PDE11A: variants seen among roughly 807,000 people sequenced by gnomAD.
The protein encoded by PDE11A is phosphodiesterase 11A.
In PDE11A, 100 loss-of-function variants were observed where a neutral mutation model predicts 100.5. That is an observed-to-expected ratio of 1.00 (90% CI 0.85 to 1.18). The LOEUF is 1.18. Among genes scored for constraint, PDE11A ranks in the 50% most tolerant of loss-of-function variants. The pLI, the probability that PDE11A is intolerant of heterozygous loss-of-function variation, is 0.00. For missense variants in PDE11A, 1,141 were observed against 1,152.6 expected, an observed-to-expected ratio of 0.99 and a Z score of 0.15; for synonymous variants, 381 against 420.8, an observed-to-expected ratio of 0.91 and a Z score of 1.16.
At chr2:177,941,243 C>A (rs1457235229) in intron 2 of PDE11A, among the ~76,000 whole-genome samples, 2 of 152,192 alleles carry the variant, frequency 1.3e-5, no homozygotes, top group Non-Finnish European at 1.5e-5. Context: ...AGGCAGCTTG[C>A]CCTAAACTTT....
At chr2:177,665,422 T>C (rs1360283156) in intron 18 of PDE11A, among the ~76,000 whole-genome samples, 2 of 151,078 alleles carry the variant, frequency 1.3e-5, no homozygotes, top group Admixed American at 6.6e-5. Flanking sequence ...CGAGGCTGTA[T>C]TGAGCTACAA....
At chr2:177,680,175 C>A (rs1272955892) in intron 16 of PDE11A, among the ~76,000 whole-genome samples, 1 of 151,990 alleles carries the variant, frequency 6.6e-6, no homozygotes, top group African/African-American at 2.4e-5. Context: ...GCTCTCCCAG[C>A]AAAACTTAGC....
chr2:178,047,147 C>A (rs961371501), intron 1 of PDE11A, among the ~76,000 whole-genome samples: 3 of 151,852 alleles, frequency 2.0e-5, no homozygotes, highest in Non-Finnish European at 4.4e-5. Flanking sequence ...AAACTTGGAC[C>A]CAGATAATTT....
At chr2:177,794,346 G>A (rs2082675269) in intron 9 of PDE11A, among the ~76,000 whole-genome samples, 1 of 152,180 alleles carries the variant, frequency 6.6e-6, no homozygotes, top group Non-Finnish European at 1.5e-5. Context: ...AAGCAAAGAG[G>A]CCAGTGGGAC....
chr2:177,957,910 C>CTTGTTTTTTTTTTTTTTT, intron 2 of PDE11A, among the ~76,000 whole-genome samples: 1 of 114,482 alleles, frequency 8.7e-6, no homozygotes, highest in South Asian at 3.0e-4. Flanking sequence ...TTTCCAATGC[C>CTTGTTTTTTTTTTTTTTT]TTTTTTTTGA....
At chr2:177,924,052 G>A (rs1000902381) in intron 2 of PDE11A, among the ~76,000 whole-genome samples, 7 of 152,190 alleles carry the variant, frequency 4.6e-5, no homozygotes, top group Non-Finnish European at 8.8e-5. Context: ...ACTCTAAAGT[G>A]TAATTTATTA....
intron 10 of PDE11A, among the ~76,000 whole-genome samples, chr2:177,751,142 A>G (rs2082020242): frequency 6.6e-6 from 1 of 150,544 alleles, no homozygotes; most frequent in African/African-American, 2.4e-5. Flanking sequence ...AAAAAAAAAA[A>G]GCTCTCCAAA....
chr2:177,838,712 A>C (rs188831843), intron 6 of PDE11A, among the ~76,000 whole-genome samples: 65 of 152,318 alleles, frequency 4.3e-4, no homozygotes, highest in Non-Finnish European at 8.8e-4. Flanking sequence ...AACTTCTCTG[A>C]TATAAAATCA....
At chr2:177,715,085 T>C (rs6734520) in intron 12 of PDE11A, among the ~76,000 whole-genome samples, 35,746 of 152,170 alleles carry the variant, frequency 0.23, 6,044 homozygotes, top group African/African-American at 0.48. Context: ...TGAGAAAAGG[T>C]CTTACTGTTT....
At chr2:177,793,537 C>A (rs1175065695) in intron 9 of PDE11A, among the ~76,000 whole-genome samples, 18 of 79,308 alleles carry the variant, frequency 2.3e-4, no homozygotes, top group African/African-American at 5.4e-4. Flanking sequence ...CAGGGATCTG[C>A]AAAAAAAAAA....
At chr2:178,105,140 A>G (rs2087602877) in intron 1 of PDE11A, among the ~76,000 whole-genome samples, 2 of 152,228 alleles carry the variant, frequency 1.3e-5, no homozygotes, top group South Asian at 4.1e-4. Context: ...ATACTAATGT[A>G]GTGGAAAATA....
chr2:177,963,557 C>G (rs766684198), intron 2 of PDE11A, among the ~76,000 whole-genome samples: 22 of 152,200 alleles, frequency 1.4e-4, no homozygotes, highest in Non-Finnish European at 2.6e-4. Flanking sequence ...CACCTAGCCA[C>G]AGTTCAGCTT....
chr2:177,828,493 T>A (rs2083261152), intron 6 of PDE11A, among the ~76,000 whole-genome samples: 1 of 151,980 alleles, frequency 6.6e-6, no homozygotes, highest in South Asian at 2.1e-4. Context: ...CAAAGATAAA[T>A]GAATAAATTA....
intron 5 of PDE11A, among the ~76,000 whole-genome samples, chr2:177,869,931 T>C (rs1344331044): frequency 6.6e-6 from 1 of 152,264 alleles, no homozygotes; most frequent in African/African-American, 2.4e-5. Context: ...ATGAATTACA[T>C]GTCACTGGAT....
At position 177,967,236 on chromosome 2, in the gene PDE11A, G is replaced by A. The variant is rs573520375; in HGVS notation, c.1071+47066C>T. Among the ~76,000 whole-genome samples, 268 of 127,444 alleles carry A rather than the reference G, an allele frequency of 2.1e-3. 1 individual carries two copies. The highest frequency in any genetic ancestry group is 7.3e-3 in the African/African-American group (241 of 33,106). 83.6% of individuals were successfully genotyped at this position (127,444 alleles called of 152,430 possible). A position where few individuals can be genotyped will look rare whatever the true frequency, so the allele number is the denominator to read the frequency against. ...TTTTTTTTTTTACTCTCCCTGTGTC[G>A]CCCAGCCTTGAGTACAGTGGCAGGA... On this transcript the variant is annotated intron_variant, in intron 2 of 19. Transcript: ENST00000286063.
At chr2:177,727,592 A>G in intron 12 of PDE11A, 66 bp downstream of exon 12, 1 of 931,976 alleles carries the variant, frequency 1.1e-6, no homozygotes, top group South Asian at 1.3e-5. Context: ...ATGGAAATGT[A>G]AAGGAGAAGG....
rs1051459592 is a variant in PDE11A, at chr2:177,872,942, C to T, written c.1367+2917G>A. Reference sequence around the variant, plus strand: ...TCTTCTGAGATAAATGAACATTCTACATTAATTTAAAAGCCATAAATAGAA... The same window carrying T: ...TCTTCTGAGATAAATGAACATTCTATATTAATTTAAAAGCCATAAATAGAA... On this transcript the variant is annotated intron_variant, in intron 5 of 19. Coordinates refer to ENST00000286063, the MANE Select transcript of PDE11A (RefSeq NM_016953.4). Among the ~76,000 whole-genome samples, 28 of 152,302 alleles carry T rather than the reference C, an allele frequency of 1.8e-4. No homozygotes were observed. In the East Asian group the frequency reaches 3.7e-3, roughly 20 times the overall value.
At chr2:177,807,983 T>C (rs924774978) in intron 9 of PDE11A, among the ~76,000 whole-genome samples, 1 of 152,264 alleles carries the variant, frequency 6.6e-6, no homozygotes, top group South Asian at 2.1e-4. Flanking sequence ...TGAGAAAACA[T>C]TAATGAAAGA....
At chr2:178,031,452 TTAAA>T (rs2086546161) in intron 1 of PDE11A, among the ~76,000 whole-genome samples, 1 of 151,922 alleles carries the variant, frequency 6.6e-6, no homozygotes, top group South Asian at 2.1e-4. Flanking sequence ...AGATAAAAAT[TTAAA>T]TAAGAGTTGT....
Sources: gnomAD v4.1 joint callset for allele counts (sites outside exome capture counted in the v4.1 genomes callset) on GRCh38, gnomAD v4.1.1 for gene constraint, MANE v1.5 for transcripts, NCBI Gene and HGNC (gene_info 2026-07-23, HGNC 2026-07-21) for gene names.